NRXN1: variants seen among roughly 807,000 people sequenced by gnomAD.
NRXN1 encodes the protein neurexin 1.
A neutral mutation model predicts 150.9 loss-of-function variants in NRXN1; 39 were observed. The observed-to-expected ratio is 0.26, with a 90% confidence interval of 0.20 to 0.34. The LOEUF (loss-of-function observed/expected upper bound fraction) is 0.34. Among genes scored for constraint, NRXN1 ranks in the 10% least tolerant of loss-of-function variants. NRXN1 has a pLI of 1.00. For missense variants in NRXN1, 1,815 were observed against 1,949.9 expected (o/e 0.93, Z 1.30); for synonymous variants, 924 against 757.0 (o/e 1.22, Z -3.62).
At chr2:50,408,018 C>T (rs912984528) in intron 17 of NRXN1, among the ~76,000 whole-genome samples, 2 of 152,144 alleles carry the variant, frequency 1.3e-5, no homozygotes, top group Non-Finnish European at 2.9e-5. Flanking sequence ...TGACAATGCA[C>T]TCAATAAATA....
chr2:50,735,022 C>G (rs1283484043), intron 5 of NRXN1, among the ~76,000 whole-genome samples: 2 of 152,124 alleles, frequency 1.3e-5, no homozygotes, highest in Admixed American at 6.6e-5. Flanking sequence ...GTTGAAGGTA[C>G]TCTATCCCTT....
chr2:50,277,800 G>C (rs994018339), intron 17 of NRXN1, among the ~76,000 whole-genome samples: 1 of 151,840 alleles, frequency 6.6e-6, no homozygotes, highest in African/African-American at 2.4e-5. Context: ...GGAGCTGAAG[G>C]GTGCACCCAT....
intron 5 of NRXN1, among the ~76,000 whole-genome samples, chr2:50,631,568 T>A (rs940318357): frequency 6.6e-6 from 1 of 151,944 alleles, no homozygotes; most frequent in Non-Finnish European, 1.5e-5. Context: ...AATGAGCTTC[T>A]AATTCATTAC....
intron 17 of NRXN1, among the ~76,000 whole-genome samples, chr2:50,406,028 GA>G (rs1388911937): frequency 6.6e-6 from 1 of 152,064 alleles, no homozygotes; most frequent in East Asian, 1.9e-4. Flanking sequence ...GATAAATAGT[GA>G]AATCAAGATT....
chr2:50,278,052 T>C (rs2152929176), intron 17 of NRXN1, among the ~76,000 whole-genome samples: 1 of 128,710 alleles, frequency 7.8e-6, no homozygotes, highest in Middle Eastern at 4.0e-3. Flanking sequence ...TTCTTATCTT[T>C]TCCTTTCTCT....
chr2:50,647,710 T>C (rs1222741768), intron 5 of NRXN1, among the ~76,000 whole-genome samples: 2 of 151,968 alleles, frequency 1.3e-5, no homozygotes, highest in South Asian at 2.1e-4. Context: ...AGGATGTTCA[T>C]TACAGCCTTA....
chr2:50,968,826 G>C (rs963455193), intron 2 of NRXN1, among the ~76,000 whole-genome samples: 1 of 151,976 alleles, frequency 6.6e-6, no homozygotes, highest in African/African-American at 2.4e-5. Context: ...AAAGACACCA[G>C]TAATCTCCAT....
intron 17 of NRXN1, among the ~76,000 whole-genome samples, chr2:50,419,404 C>T (rs1284778670): frequency 6.6e-6 from 1 of 152,066 alleles, no homozygotes; most frequent in Non-Finnish European, 1.5e-5. Context: ...GGACCCTGAC[C>T]TGCAATCTCA....
intron 5 of NRXN1, among the ~76,000 whole-genome samples, chr2:50,829,057 T>G (rs1490722369): frequency 6.6e-6 from 1 of 151,898 alleles, no homozygotes; most frequent in African/African-American, 2.4e-5. Flanking sequence ...CAAAACCCCG[T>G]CTCCACCAAA....
At chr2:50,568,296 A>G (rs1251076223) in intron 8 of NRXN1, among the ~76,000 whole-genome samples, 1 of 152,220 alleles carries the variant, frequency 6.6e-6, no homozygotes, top group Non-Finnish European at 1.5e-5. Flanking sequence ...GACAAATGGG[A>G]TCACATTAAG....
At chr2:50,404,662 T>C (rs1283397837) in intron 17 of NRXN1, among the ~76,000 whole-genome samples, 1 of 152,136 alleles carries the variant, frequency 6.6e-6, no homozygotes, top group Non-Finnish European at 1.5e-5. Flanking sequence ...TGAGAAAATA[T>C]GGATTTCAGA....
chr2:50,075,890 A>T (rs1479508331), intron 19 of NRXN1, among the ~76,000 whole-genome samples: 3 of 152,000 alleles, frequency 2.0e-5, no homozygotes, highest in Non-Finnish European at 4.4e-5. Context: ...GCCTCGACTC[A>T]TCCCCTCCGC....
At chr2:50,756,293 C>T (rs1422211939) in intron 5 of NRXN1, among the ~76,000 whole-genome samples, 1 of 151,588 alleles carries the variant, frequency 6.6e-6, no homozygotes, top group African/African-American at 2.4e-5. Context: ...AAACTTCCAC[C>T]TCACAAGTAT....
At chr2:50,078,500 A>T (rs1697420781) in intron 19 of NRXN1, among the ~76,000 whole-genome samples, 1 of 152,110 alleles carries the variant, frequency 6.6e-6, no homozygotes, top group Non-Finnish European at 1.5e-5. Flanking sequence ...TAAACTGTTG[A>T]CTAAAGTATA....
chr2:50,115,557 C>A (rs1702942774), intron 18 of NRXN1, among the ~76,000 whole-genome samples: 1 of 151,870 alleles, frequency 6.6e-6, no homozygotes, highest in South Asian at 2.1e-4. Context: ...GGTCACAGAA[C>A]CAGTGAGGGG....
At chr2:50,155,553 T>A (rs1465468912) in intron 18 of NRXN1, among the ~76,000 whole-genome samples, 1 of 151,642 alleles carries the variant, frequency 6.6e-6, no homozygotes, top group Non-Finnish European at 1.5e-5. Context: ...TGTTATATAA[T>A]TTGGTAAGAT....
In NRXN1 at chr2:49,922,165, C is replaced by T. The variant is rs139281864; in HGVS notation, c.4303G>A (p.Val1435Ile). 2.7e-5 allele frequency: 44 copies of T among 1,614,030 alleles called. No homozygotes were observed. Among genetic ancestry groups the T allele is most frequent in the Admixed American group, 5.0e-5 (3 of 60,006 alleles). The change falls in exon 23 of 23, where the codon GTT (valine) becomes ATT (isoleucine). Residue 1435 changes from valine (V) to isoleucine (I), a missense_variant. Val to Ile is a conservative substitution (Grantham distance 29). Around this residue, in one of 6 missense-constraint regions of NRXN1, gnomAD observed 265 missense variants for 307.1 expected, o/e 0.86. Coordinates refer to ENST00000401669, the MANE Select transcript of NRXN1 (RefSeq NM_001330078.2). ...AGGGCGGCAGCGGCTACTATCCCAA[C>T]GACCATACCCGTGGTGCTGCTGGAC... The part of the protein sequence containing the change: ...RESSSTTGMV[V>I]GIVAAAALCI...
chr2:50,125,309 CTATA>C (rs1704411092), intron 18 of NRXN1, among the ~76,000 whole-genome samples: 2 of 152,076 alleles, frequency 1.3e-5, no homozygotes, highest in Non-Finnish European at 2.9e-5. Flanking sequence ...TGAATACAAT[CTATA>C]TAATCTTTGT....
At chr2:50,739,606 C>G (rs949054468) in intron 5 of NRXN1, among the ~76,000 whole-genome samples, 1 of 152,152 alleles carries the variant, frequency 6.6e-6, no homozygotes. Context: ...CGGCTACTTA[C>G]TCTATTGCAT....
Sources: gnomAD v4.1 joint callset for allele counts (sites outside exome capture counted in the v4.1 genomes callset) on GRCh38, gnomAD v4.1.1 for gene constraint, gnomAD v4.1.1 regional missense constraint, MANE v1.5 for transcripts, NCBI Gene and HGNC (gene_info 2026-07-23, HGNC 2026-07-21) for gene names.